The following CDH13 variants were observed in gnomAD, a reference collection of about 807,000 sequenced individuals.
CDH13 encodes the protein cadherin 13.
In CDH13, 24 loss-of-function variants were observed where a neutral mutation model predicts 63.8. The ratio of observed to expected loss-of-function variants is 0.38; its 90% CI spans 0.27 to 0.53. CDH13 has a LOEUF of 0.53. Among genes scored for constraint, CDH13 ranks in the 20% least tolerant of loss-of-function variants. CDH13 has a pLI of 0.85. For synonymous variants in CDH13, 503 were observed against 355.3 expected (o/e 1.42, Z -4.67); for missense variants, 1,049 against 903.1 (o/e 1.16, Z -2.07).
At chr16:83,772,309 G>A (rs1314507394) in intron 11 of CDH13, among the ~76,000 whole-genome samples, 1 of 152,154 alleles carries the variant, frequency 6.6e-6, no homozygotes, top group Non-Finnish European at 1.5e-5. Context: ...GCTGCTAGAA[G>A]CCAGGGCAGA....
chr16:83,490,123 G>A (rs1219897125), intron 7 of CDH13, among the ~76,000 whole-genome samples: 1 of 151,964 alleles, frequency 6.6e-6, no homozygotes, highest in Admixed American at 6.6e-5. Flanking sequence ...GTTGGGAGTG[G>A]ATACTCTGGA....
chr16:83,229,275 C>G (rs2039935624), intron 5 of CDH13, among the ~76,000 whole-genome samples: 1 of 152,176 alleles, frequency 6.6e-6, no homozygotes, highest in African/African-American at 2.4e-5. Flanking sequence ...GGCCCCACTA[C>G]CAGGCACTGG....
chr16:82,977,823 CAGGAAAA>C (rs1165972391), intron 2 of CDH13, among the ~76,000 whole-genome samples: 1 of 152,090 alleles, frequency 6.6e-6, no homozygotes, highest in African/African-American at 2.4e-5. Context: ...CAGAAGAAGA[CAGGAAAA>C]TGTGGGCAAT....
At chr16:82,725,698 T>C (rs112993476) in intron 1 of CDH13, among the ~76,000 whole-genome samples, 10 of 152,292 alleles carry the variant, frequency 6.6e-5, no homozygotes, top group Non-Finnish European at 1.2e-4. Context: ...GAAAGTTGTA[T>C]GCAGTGCCCC....
chr16:83,016,206 AC>A (rs1914778394), intron 2 of CDH13, among the ~76,000 whole-genome samples: 1 of 152,180 alleles, frequency 6.6e-6, no homozygotes, highest in African/African-American at 2.4e-5. Context: ...ACACCAGAAA[AC>A]CCACGTATGC....
intron 4 of CDH13, among the ~76,000 whole-genome samples, chr16:83,169,918 C>G (rs993257675): frequency 3.3e-5 from 5 of 152,126 alleles, no homozygotes; most frequent in Non-Finnish European, 5.9e-5. Context: ...ATATTCACAT[C>G]TGATTCTTCA....
chr16:82,886,249 A>G (rs1206585252), intron 2 of CDH13, among the ~76,000 whole-genome samples: 1 of 152,154 alleles, frequency 6.6e-6, no homozygotes, highest in African/African-American at 2.4e-5. Context: ...TTATTCAGTT[A>G]TTTCCTTAGA....
At chr16:82,781,559 T>C (rs1597559440) in intron 1 of CDH13, among the ~76,000 whole-genome samples, 3 of 152,084 alleles carry the variant, frequency 2.0e-5, no homozygotes, top group East Asian at 3.9e-4. Flanking sequence ...TTATCTATCA[T>C]CCATCCATCC....
intron 5 of CDH13, among the ~76,000 whole-genome samples, chr16:83,285,658 G>T (rs927418667): frequency 2.0e-5 from 3 of 152,134 alleles, no homozygotes; most frequent in Non-Finnish European, 4.4e-5. Context: ...GTGTTCATAG[G>T]TTGCATGCCG....
chr16:82,715,451 C>A (rs4578640), intron 1 of CDH13, among the ~76,000 whole-genome samples: 1 of 152,064 alleles, frequency 6.6e-6, no homozygotes, highest in South Asian at 2.1e-4. Context: ...CTTTATTGAT[C>A]TTGAGACCAG....
chr16:82,944,474 A>G (rs1485097351), intron 2 of CDH13, among the ~76,000 whole-genome samples: 3 of 152,272 alleles, frequency 2.0e-5, no homozygotes, highest in Non-Finnish European at 4.4e-5. Flanking sequence ...GACTGGAGTG[A>G]GGGTCATGGA....
chr16:83,280,572 T>C (rs1012115683), intron 5 of CDH13, among the ~76,000 whole-genome samples: 1 of 152,244 alleles, frequency 6.6e-6, no homozygotes, highest in African/African-American at 2.4e-5. Context: ...TGGCCTCTTA[T>C]CATGAACCAA....
At chr16:82,681,815 C>T (rs566146620) in intron 1 of CDH13, among the ~76,000 whole-genome samples, 26 of 152,336 alleles carry the variant, frequency 1.7e-4, no homozygotes, top group African/African-American at 5.1e-4. Flanking sequence ...GACTGACATG[C>T]GTCAATGTGT....
At chr16:83,080,871 G>GGTTTTTT (rs2033183201) in intron 3 of CDH13, among the ~76,000 whole-genome samples, 3 of 46,956 alleles carry the variant, frequency 6.4e-5, no homozygotes, top group African/African-American at 1.8e-4. Context: ...TTGTTTTTGT[G>GGTTTTTT]TTTTTTTTTT....
intron 2 of CDH13, among the ~76,000 whole-genome samples, chr16:82,905,432 C>CAT (rs377715806): frequency 7.0e-6 from 1 of 143,530 alleles, no homozygotes; most frequent in Non-Finnish European, 1.5e-5. Flanking sequence ...ATGAATCACA[C>CAT]GTGTGTGTGT....
chr16:83,246,635 G>A (rs1414822159), intron 5 of CDH13, among the ~76,000 whole-genome samples: 1 of 152,114 alleles, frequency 6.6e-6, no homozygotes, highest in African/African-American at 2.4e-5. Flanking sequence ...CATCTTCAGT[G>A]TGGTTTTCTT....
chr16:83,324,392 A>C (rs2090312038), intron 5 of CDH13, among the ~76,000 whole-genome samples: 1 of 152,194 alleles, frequency 6.6e-6, no homozygotes, highest in Non-Finnish European at 1.5e-5. Flanking sequence ...TCACTCTTGG[A>C]AGTAGCATCC....
intron 4 of CDH13, among the ~76,000 whole-genome samples, chr16:83,136,360 C>T (rs1423440300): frequency 6.6e-6 from 1 of 151,622 alleles, no homozygotes; most frequent in Non-Finnish European, 1.5e-5. Context: ...GTGGTGTGCG[C>T]CTGTAGTCCC....
intron 8 of CDH13, among the ~76,000 whole-genome samples, chr16:83,609,441 A>T (rs117199058): frequency 0.023 from 3,526 of 152,350 alleles, 65 homozygotes; most frequent in Non-Finnish European, 0.035. Context: ...TATGAGGCAT[A>T]TTATGAGTTT....
Sources: gnomAD v4.1 joint callset for allele counts (sites outside exome capture counted in the v4.1 genomes callset) on GRCh38, gnomAD v4.1.1 for gene constraint, MANE v1.5 for transcripts, NCBI Gene and HGNC (gene_info 2026-07-23, HGNC 2026-07-21) for gene names.